PARP11: variants seen among roughly 807,000 people sequenced by gnomAD.
PARP11 encodes the protein poly(ADP-ribose) polymerase family member 11.
Under a neutral mutation model 42.9 loss-of-function variants are expected in PARP11, and 31 were observed. The observed-to-expected ratio is 0.72, with a 90% CI of 0.54 to 0.98. PARP11 has a LOEUF of 0.98. PARP11 is among the 50% of genes least tolerant of loss of function. PARP11 has a pLI of 0.00. For missense variants in PARP11, 365 were observed against 413.1 expected, an observed-to-expected ratio of 0.88 and a Z score of 1.01; for synonymous variants, 137 against 127.3, an observed-to-expected ratio of 1.08 and a Z score of -0.51.
chr12:3,831,112 T>C (rs1947630114), intron 1 of PARP11, among the ~76,000 whole-genome samples: 1 of 152,192 alleles, frequency 6.6e-6, no homozygotes, highest in South Asian at 2.1e-4. Flanking sequence ...ATAAAAAATA[T>C]TCTTCTTGCA....
chr12:3,836,767 C>T (rs1386372120), intron 1 of PARP11, among the ~76,000 whole-genome samples: 6 of 152,128 alleles, frequency 3.9e-5, no homozygotes, highest in African/African-American at 1.4e-4. Context: ...GAGACAGTTC[C>T]CAGGGACACA....
At chr12:3,839,439 G>A in intron 1 of PARP11, 1 of 1,604,768 alleles carries the variant, frequency 6.2e-7, no homozygotes, top group South Asian at 1.1e-5. Context: ...GGTCGTGCCT[G>A]TTCCGGGCCG....
chr12:3,860,417 T>G (rs1451485705), intron 1 of PARP11, among the ~76,000 whole-genome samples: 1 of 152,144 alleles, frequency 6.6e-6, no homozygotes, highest in African/African-American at 2.4e-5. Context: ...TTGCTTTCAA[T>G]AGGCCAGATG....
chr12:3,857,125 C>T (rs545560877), intron 1 of PARP11, among the ~76,000 whole-genome samples: 8 of 78,762 alleles, frequency 1.0e-4, no homozygotes, highest in South Asian at 9.4e-4. Flanking sequence ...CAGGGCCTGT[C>T]GGGGGGTGGG....
At chr12:3,842,719 A>C (rs941920381) in intron 1 of PARP11, among the ~76,000 whole-genome samples, 1 of 152,188 alleles carries the variant, frequency 6.6e-6, no homozygotes, top group African/African-American at 2.4e-5. Context: ...GGTTTTCTTC[A>C]TTCAGAATCT....
At chr12:3,845,208 A>T (rs1284286752) in intron 1 of PARP11, among the ~76,000 whole-genome samples, 1 of 152,066 alleles carries the variant, frequency 6.6e-6, no homozygotes, top group Non-Finnish European at 1.5e-5. Flanking sequence ...CTCTTGCCCC[A>T]TGTCTCCTTG....
At chr12:3,873,175 GC>G (rs1948526284) in intron 1 of PARP11, 36 bp downstream of exon 1, 1 of 865,216 alleles carries the variant, frequency 1.2e-6, no homozygotes, top group Admixed American at 2.4e-5. Flanking sequence ...CATCAACCCC[GC>G]CCCCTGGGCC....
intron 4 of PARP11, among the ~76,000 whole-genome samples, chr12:3,823,612 T>C (rs986467851): frequency 1.2e-4 from 19 of 152,164 alleles, no homozygotes; most frequent in African/African-American, 4.6e-4. Context: ...CTCCAACTTT[T>C]TGCTACTGCA....
intron 1 of PARP11, among the ~76,000 whole-genome samples, chr12:3,849,258 CA>C (rs146114938): frequency 1.3e-5 from 2 of 148,764 alleles, no homozygotes; most frequent in African/African-American, 2.5e-5. Flanking sequence ...GGAGGTACCT[CA>C]AAAAAAAATA....
chr12:3,839,957 A>C (rs967562922), intron 1 of PARP11: 24 of 1,285,934 alleles, frequency 1.9e-5, no homozygotes, highest in African/African-American at 1.2e-4. Flanking sequence ...GCTGCTGCTG[A>C]TGTGAATGGA....
chr12:3,819,627 T>C (rs549227976), intron 6 of PARP11, among the ~76,000 whole-genome samples: 81 of 152,280 alleles, frequency 5.3e-4, no homozygotes, highest in African/African-American at 1.8e-3. Context: ...AAAATGCAGA[T>C]CAGATCCATC....
chr12:3,821,636 TGCATA>T (rs1947394205), intron 6 of PARP11, among the ~76,000 whole-genome samples: 2 of 152,226 alleles, frequency 1.3e-5, no homozygotes, highest in Admixed American at 1.3e-4. Flanking sequence ...TCAGCCAAGA[TGCATA>T]GCTCTAAACC....
At chr12:3,817,774 G>C (rs1281566099) in intron 6 of PARP11, among the ~76,000 whole-genome samples, 1 of 152,156 alleles carries the variant, frequency 6.6e-6, no homozygotes, top group Non-Finnish European at 1.5e-5. Context: ...TCATGCTCTG[G>C]ATTAAAATAA....
At chr12:3,858,142 T>C (rs1223701242) in intron 1 of PARP11, among the ~76,000 whole-genome samples, 2 of 152,170 alleles carry the variant, frequency 1.3e-5, no homozygotes, top group Non-Finnish European at 2.9e-5. Flanking sequence ...ACAAAAAAGA[T>C]ATATAACCTC....
chr12:3,855,750 T>C (rs1370469343), intron 1 of PARP11, among the ~76,000 whole-genome samples: 1 of 152,186 alleles, frequency 6.6e-6, no homozygotes, highest in Non-Finnish European at 1.5e-5. Context: ...ACCAATGACA[T>C]TCTTCACAGA....
intron 1 of PARP11, chr12:3,839,839 G>A: frequency 8.8e-7 from 1 of 1,134,518 alleles, no homozygotes; most frequent in Non-Finnish European, 1.3e-6. Context: ...ATTTAAAACT[G>A]ATGTTAGTAA....
intron 3 of PARP11, among the ~76,000 whole-genome samples, chr12:3,827,699 T>A (rs1431562075): frequency 1.3e-5 from 2 of 152,164 alleles, no homozygotes; most frequent in East Asian, 3.8e-4. Flanking sequence ...TTTGGTGGGA[T>A]AATAATTATT....
At chr12:3,827,131 A>C (rs1345083322) in intron 3 of PARP11, among the ~76,000 whole-genome samples, 4 of 152,134 alleles carry the variant, frequency 2.6e-5, no homozygotes, top group Non-Finnish European at 4.4e-5. Flanking sequence ...GGACCATCTC[A>C]TTTTTTAGTT....
intron 1 of PARP11, chr12:3,842,063 C>T (rs1947900112): frequency 3.1e-6 from 5 of 1,607,234 alleles, no homozygotes; most frequent in Non-Finnish European, 4.3e-6. Flanking sequence ...GCTCACCCTC[C>T]CACTCAGATT....
Sources: gnomAD v4.1 joint callset for allele counts (sites outside exome capture counted in the v4.1 genomes callset) on GRCh38, gnomAD v4.1.1 for gene constraint, MANE v1.5 for transcripts, NCBI Gene and HGNC (gene_info 2026-07-23, HGNC 2026-07-21) for gene names.